GRIK4: variants seen among roughly 807,000 people sequenced by gnomAD.
GRIK4 encodes the protein glutamate ionotropic receptor kainate type subunit 4, also known as glutamate receptor ionotropic, kainate 4.
A neutral mutation model predicts 104.9 loss-of-function variants in GRIK4; 40 were observed. The ratio of observed to expected loss-of-function variants is 0.38; its 90% CI spans 0.30 to 0.50. The LOEUF (loss-of-function observed/expected upper bound fraction) is 0.50. GRIK4 is among the 20% of genes least tolerant of loss of function. The probability of loss-of-function intolerance (pLI) is 0.93; values close to 1 mark genes in which losing one functional copy is unlikely to be tolerated. For missense variants in GRIK4, 1,047 were observed against 1,308.1 expected, an observed-to-expected ratio of 0.80 and a Z score of 3.08; for synonymous variants, 485 against 524.9, an observed-to-expected ratio of 0.92 and a Z score of 1.04.
chr11:120,637,629 T>C (rs1949415383), intron 1 of GRIK4, among the ~76,000 whole-genome samples: 1 of 152,174 alleles, frequency 6.6e-6, no homozygotes, highest in African/African-American at 2.4e-5. Context: ...TAAATATTAC[T>C]TCTTAGAGAA....
At chr11:120,572,535 G>A (rs1948414701) in intron 1 of GRIK4, among the ~76,000 whole-genome samples, 1 of 152,052 alleles carries the variant, frequency 6.6e-6, no homozygotes, top group Non-Finnish European at 1.5e-5. Context: ...AGATTTGCCT[G>A]GCCTGCTTTA....
chr11:120,876,512 C>A (rs1954825353), intron 11 of GRIK4, among the ~76,000 whole-genome samples: 1 of 149,806 alleles, frequency 6.7e-6, no homozygotes, highest in Admixed American at 6.7e-5. Context: ...CGATTGTCAT[C>A]ATCATAGCAG....
At position 120,682,296 on chromosome 11, in the gene GRIK4, T is replaced by A. The variant is rs777266621; in HGVS notation, c.82+21896T>A. ...GGTGGCGGGAGGGCTTCCCTGCTGC[T>A]GGCAGAAGGCAAGATGGTGGCAGCC... On this transcript the variant is annotated intron_variant, in intron 3 of 20. Coordinates refer to ENST00000527524, the MANE Select transcript of GRIK4 (RefSeq NM_014619.5). 5.3e-5 allele frequency among the ~76,000 whole-genome samples: 8 copies of A among 152,304 alleles called. No individual in the cohort carries two copies. In the South Asian group the frequency reaches 6.2e-4, roughly 12 times the overall value.
At chr11:120,785,693 G>A (rs1404817847) in intron 3 of GRIK4, among the ~76,000 whole-genome samples, 1 of 152,246 alleles carries the variant, frequency 6.6e-6, no homozygotes, top group Non-Finnish European at 1.5e-5. Flanking sequence ...TACAGGATGA[G>A]AGGAGACTCA....
intron 1 of GRIK4, among the ~76,000 whole-genome samples, chr11:120,601,104 CAAG>C (rs905730461): frequency 1.3e-5 from 2 of 151,028 alleles, no homozygotes; most frequent in African/African-American, 4.9e-5. Context: ...ACATTTTGGA[CAAG>C]AAGAACTTGG....
At position 120,952,158 on chromosome 11, in the gene GRIK4, TC is replaced by T. The variant is rs1341015750; in HGVS notation, c.1591-694del. On this transcript the variant is annotated intron_variant, in intron 14 of 20. Transcript: ENST00000527524. The surrounding 1 kb of genome is among the most constrained non-coding windows in gnomAD (Gnocchi z 5.2). ...GCTCACAGGACTCTGGCCAGACTCA[TC>T]CCTGGCCTTGCAACGTGTTTTCCCA... 6.6e-6 allele frequency among the ~76,000 whole-genome samples: 1 copy of T among 152,184 alleles called. No individual in the cohort carries two copies. The highest frequency in any genetic ancestry group is 1.5e-5 in the Non-Finnish European group (1 of 68,032).
chr11:120,902,858 G>A lies in GRIK4; in HGVS notation c.1273-2432G>A, dbSNP rs1393329136. Among the ~76,000 whole-genome samples, 4 of 152,140 alleles carry A rather than the reference G, an allele frequency of 2.6e-5. No individual in the cohort carries two copies. The highest frequency in any genetic ancestry group is 2.1e-4 in the South Asian group (1 of 4,822). ...AGGGAGAAGCCCTTGTGCTGAGGAC[G>A]GCGTGTGTGGAAGGCAGGCTGACCG... is the stretch of plus-strand genomic sequence containing the variant. On this transcript the variant is annotated intron_variant, in intron 12 of 20. Transcript: ENST00000527524. This position sits in a 1 kb window ranked among gnomAD's most constrained non-coding sequence, Gnocchi z 4.5.
intron 19 of GRIK4, among the ~76,000 whole-genome samples, chr11:120,974,056 T>C (rs937173352): frequency 2.6e-5 from 4 of 152,048 alleles, no homozygotes; most frequent in Admixed American, 6.6e-5. Context: ...TACAGGCGCA[T>C]GCCACCACAC....
intron 3 of GRIK4, among the ~76,000 whole-genome samples, chr11:120,665,215 C>T (rs944014065): frequency 6.6e-6 from 1 of 152,002 alleles, no homozygotes; most frequent in Non-Finnish European, 1.5e-5. Flanking sequence ...AATATACCAG[C>T]TGAATTCTTT....
At chr11:120,670,640 C>T (rs1435427220) in intron 3 of GRIK4, among the ~76,000 whole-genome samples, 1 of 152,234 alleles carries the variant, frequency 6.6e-6, no homozygotes, top group Non-Finnish European at 1.5e-5. Flanking sequence ...CATGCCCTGA[C>T]CATCCTCTAG....
At chr11:120,698,611 A>G (rs1349879864) in intron 3 of GRIK4, among the ~76,000 whole-genome samples, 2 of 152,168 alleles carry the variant, frequency 1.3e-5, no homozygotes, top group Non-Finnish European at 2.9e-5. Context: ...TCTGTCCTTC[A>G]TCTTTGAAAG....
chr11:120,948,452 C>T (rs775944333), intron 14 of GRIK4, among the ~76,000 whole-genome samples: 9 of 152,180 alleles, frequency 5.9e-5, no homozygotes, highest in Admixed American at 2.6e-4. Flanking sequence ...TCCACTCTGT[C>T]AATGACGTCT....
chr11:120,874,068 C>G lies in GRIK4; in HGVS notation c.909C>G (p.Leu303=), dbSNP rs1457032667. Residue 303 remains leucine, a splice_region_variant and synonymous_variant, in exon 10 of 21, where the codon CTC becomes CTG. Coordinates refer to ENST00000527524, the MANE Select transcript of GRIK4 (RefSeq NM_014619.5). ...GCCTGCTCCCCGGCCTCTCCCAGCT[C>G]TCCTCGGCCCTGCTGTTTGATGCTG... ...CDHVPFTGPA[L]SSALLFDAVY... 4 of 1,604,616 alleles carry G rather than the reference C, an allele frequency of 2.5e-6. No homozygotes were observed. Among genetic ancestry groups the G allele is most frequent in the Non-Finnish European group, 3.4e-6 (4 of 1,172,328 alleles).
intron 1 of GRIK4, among the ~76,000 whole-genome samples, chr11:120,640,086 C>T (rs1214548261): frequency 1.3e-5 from 2 of 152,170 alleles, no homozygotes; most frequent in Non-Finnish European, 2.9e-5. Flanking sequence ...AGAGAGGGTT[C>T]TTGGACCTCA....
intron 1 of GRIK4, among the ~76,000 whole-genome samples, chr11:120,626,192 C>T (rs529085645): frequency 2.0e-5 from 3 of 152,296 alleles, no homozygotes; most frequent in African/African-American, 7.2e-5. Flanking sequence ...GTCCTTAGAG[C>T]TGCTATTAGT....
chr11:120,902,425 A>G lies in GRIK4; in HGVS notation c.1273-2865A>G, dbSNP rs749474038. Among the ~76,000 whole-genome samples the G allele has an allele frequency of 6.6e-6, 1 of 152,158 alleles. No homozygotes were observed. The highest frequency in any genetic ancestry group is 1.5e-5 in the Non-Finnish European group (1 of 68,022). ...GTGTCTGTTCACTTTGAATATGTCA[A>G]TAAGTTTTAAATTAACTTGAGAGTA... On this transcript the variant is annotated intron_variant, in intron 12 of 20. Transcript: ENST00000527524. This position sits in a 1 kb window ranked among gnomAD's most constrained non-coding sequence, Gnocchi z 4.5.
At chr11:120,931,481 C>T (rs938221641) in intron 13 of GRIK4, among the ~76,000 whole-genome samples, 1 of 152,156 alleles carries the variant, frequency 6.6e-6, no homozygotes. Context: ...TCTTGCCTCC[C>T]TTCAATCTTT....
At chr11:120,963,153 G>A (rs183384874) in intron 18 of GRIK4, among the ~76,000 whole-genome samples, 7 of 152,264 alleles carry the variant, frequency 4.6e-5, no homozygotes, top group African/African-American at 1.4e-4. Context: ...TAAAGGAGAC[G>A]GCCATGATTA....
At chr11:120,813,492 A>T (rs1237380402) in intron 4 of GRIK4, among the ~76,000 whole-genome samples, 1 of 152,130 alleles carries the variant, frequency 6.6e-6, no homozygotes, top group East Asian at 1.9e-4. Flanking sequence ...GATCATCACT[A>T]CTTTGGCCAG....
Sources: allele counts gnomAD v4.1 joint callset (sites outside exome capture counted in the v4.1 genomes callset), GRCh38; gene constraint gnomAD v4.1.1; non-coding constraint Gnocchi (gnomAD v3.1); transcripts MANE v1.5; gene names NCBI Gene and HGNC (gene_info 2026-07-23, HGNC 2026-07-21).